The following HSPD1 variants were observed in gnomAD, a reference collection of about 807,000 sequenced individuals.
The protein encoded by HSPD1 is heat shock protein family D (Hsp60) member 1.
HSPD1 carries 3 observed loss-of-function variants against 53.0 expected under a neutral mutation model. That is an observed-to-expected ratio of 0.06 (90% confidence interval 0.03 to 0.15). The LOEUF is 0.15. Among genes scored for constraint, HSPD1 ranks in the 10% least tolerant of loss-of-function variants. HSPD1 has a pLI of 1.00. For missense variants in HSPD1, 431 were observed against 694.1 expected, an observed-to-expected ratio of 0.62 and a Z score of 4.26; for synonymous variants, 200 against 228.0, an observed-to-expected ratio of 0.88 and a Z score of 1.10.
At position 197,488,323 on chromosome 2, in the gene HSPD1, T is replaced by C; in HGVS notation, c.1384A>G (p.Lys462Glu). The C allele has an allele frequency of 6.2e-7, 1 of 1,613,966 alleles. No individual in the cohort carries two copies. The highest frequency in any genetic ancestry group is 8.5e-7 in the Non-Finnish European group (1 of 1,179,830). ...TTAAAAGGTAACTTTTTACCAATTT[T>C]TTGATCTTCATTAGCTGGAGTCAAT... ...DSLTPANEDQ[K>E]IGIEIIKRTL... The change falls in exon 10 of 12, where the codon AAA becomes GAA. Residue 462 changes from lysine to glutamate, a missense_variant. Transcript: ENST00000388968.
chr2:197,488,036 C>T lies in HSPD1; in HGVS notation c.1391G>A (p.Gly464Asp), dbSNP rs1325311677. Residue 464 changes from glycine (G) to aspartate (D), a missense_variant and splice_region_variant, in exon 11 of 12, where the codon GGT (glycine) becomes GAT (aspartate). This residue lies in a region of HSPD1 where 386 missense variants were observed against 657.6 expected (regional missense o/e 0.59). Coordinates refer to ENST00000388968, the MANE Select transcript of HSPD1 (RefSeq NM_002156.5). ...LTPANEDQKI[G>D]IEIIKRTLKI... ...GAGTGTTCTTTTAATAATTTCTATA[C>T]CTACAGAGAAATTTCAGCAAAATTT... 1 of 1,589,632 alleles carries T rather than the reference C, an allele frequency of 6.3e-7. No homozygotes were observed. Among genetic ancestry groups the T allele is most frequent in the Admixed American group, 1.7e-5 (1 of 58,020 alleles).
At position 197,487,963 on chromosome 2, in the gene HSPD1, A is replaced by G. The variant is rs1057524367; in HGVS notation, c.1464T>C (p.Ser488=). The G allele has an allele frequency of 1.9e-5, 30 of 1,613,280 alleles. No individual in the cohort carries two copies. Among genetic ancestry groups the G allele is most frequent in the Non-Finnish European group, 2.5e-5 (29 of 1,179,376 alleles). Residue 488 remains serine (S), a synonymous_variant, in exon 11 of 12, where the codon TCT becomes TCC. Transcript: ENST00000388968. ...TTTGCATAATTTTCTCAACTATCAA[A>G]GATCCTTCAACACCTGCATTCTTAG... ...TIAKNAGVEG[S]LIVEKIMQSS...
At position 197,498,804 on chromosome 2, in the gene HSPD1, G is replaced by A. The variant is rs1293534068; in HGVS notation, c.45C>T (p.Ser15=). ...GAGTGAGATGAGGAGCCAGTACCCTGGACACCGGTCTCATCTGGCGAAAGA... is the reference window on the plus strand; with the variant it reads ...GAGTGAGATGAGGAGCCAGTACCCTAGACACCGGTCTCATCTGGCGAAAGA... The part of the protein sequence containing the change: ...PTVFRQMRPV[S]RVLAPHLTRA... The change falls in exon 2 of 12, where the codon TCC becomes TCT. Residue 15 remains serine (S), a synonymous_variant. Transcript: ENST00000388968. 1 of 1,614,026 alleles carries A rather than the reference G, an allele frequency of 6.2e-7. No individual in the cohort carries two copies. Among genetic ancestry groups the A allele is most frequent in the African/African-American group, 1.3e-5 (1 of 74,898 alleles).
intron 9 of HSPD1, among the ~76,000 whole-genome samples, 185 bp downstream of exon 9, chr2:197,488,817 G>A (rs774463481): frequency 2.0e-4 from 30 of 152,136 alleles, no homozygotes; most frequent in Non-Finnish European, 2.9e-4. Flanking sequence ...GCAGTGCGCC[G>A]AGATCGCACC....
chr2:197,496,876 G>C (rs1464911110), intron 3 of HSPD1: 18 of 467,002 alleles, frequency 3.9e-5, no homozygotes, highest in Non-Finnish European at 7.1e-5. Flanking sequence ...TTCCAGTGCA[G>C]TCCAGCCTGG....
At chr2:197,490,761 T>C (rs10183658) in intron 7 of HSPD1, among the ~76,000 whole-genome samples, 6,094 of 152,280 alleles carry the variant, frequency 0.04, 394 homozygotes, top group African/African-American at 0.14. Context: ...CAGTAAGTTA[T>C]AGGATACAGT....
chr2:197,487,993 G>A lies in HSPD1; in HGVS notation c.1434C>T (p.Thr478=), dbSNP rs199527127. 2.2e-5 allele frequency: 36 copies of A among 1,612,094 alleles called. No individual in the cohort carries two copies. Among genetic ancestry groups the A allele is most frequent in the Non-Finnish European group, 2.9e-5 (34 of 1,178,622 alleles). Residue 478 remains threonine (T), a synonymous_variant, in exon 11 of 12, where the codon ACC becomes ACT. Transcript: ENST00000388968. ...CTTCAACACCTGCATTCTTAGCAATGGTCATTGCTGGAATTTTGAGTGTTC... is the reference window on the plus strand; with the variant it reads ...CTTCAACACCTGCATTCTTAGCAATAGTCATTGCTGGAATTTTGAGTGTTC... ...IKRTLKIPAM[T]IAKNAGVEGS...
chr2:197,493,155 C>G (rs1344585022), intron 7 of HSPD1, among the ~76,000 whole-genome samples, 169 bp downstream of exon 7: 2 of 152,096 alleles, frequency 1.3e-5, no homozygotes, highest in Non-Finnish European at 2.9e-5. Flanking sequence ...TTCAAAAACA[C>G]AACCATAAGG....
At chr2:197,493,680 C>T (rs1271261874) in intron 6 of HSPD1, among the ~76,000 whole-genome samples, 188 bp from the exon 7 acceptor site, 2 of 152,170 alleles carry the variant, frequency 1.3e-5, no homozygotes, top group African/African-American at 4.8e-5. Context: ...CCAACTAATA[C>T]CTATAGTTTG....
chr2:197,497,408 G>GT lies in HSPD1; in HGVS notation c.175-17dup, dbSNP rs1559303847. 6 of 1,612,726 alleles carry GT rather than the reference G, an allele frequency of 3.7e-6. No individual in the cohort carries two copies. Among genetic ancestry groups the GT allele is most frequent in the African/African-American group, 1.3e-5 (1 of 75,020 alleles). ...CTGTTCTTCCCTAGAAGAAAAAAAT[G>GT]TAACAGGATCAGACATACCCTAAGG... On this transcript the variant is annotated splice_polypyrimidine_tract_variant and intron_variant, in intron 2 of 11. Coordinates refer to ENST00000388968, the MANE Select transcript of HSPD1 (RefSeq NM_002156.5).
At position 197,486,662 on chromosome 2, in the gene HSPD1, A is replaced by T. The variant is rs544314251; in HGVS notation, c.*384T>A. 3.9e-5 allele frequency: 11 copies of T among 280,340 alleles called. No individual in the cohort carries two copies. In the East Asian group the frequency reaches 8.4e-4, roughly 21 times the overall value. The allele number at this position is 280,340 out of a possible 1,614,324, so 17.4% of individuals were successfully genotyped here. A position where few individuals can be genotyped will look rare whatever the true frequency, so the allele number is the denominator to read the frequency against. On this transcript the variant is annotated 3_prime_UTR_variant, in exon 12 of 12. Transcript: ENST00000388968. ...CTCTACTTTGTACACAATTATTCTC[A>T]CTCTCCACAGAAAGGCTGCTTAACT... is the stretch of plus-strand genomic sequence containing the variant.
intron 7 of HSPD1, 81 bp downstream of exon 7, chr2:197,493,241 CAT>C (rs1284493311): frequency 7.8e-6 from 9 of 1,154,624 alleles, no homozygotes; most frequent in Admixed American, 5.1e-5. Flanking sequence ...TGGAGGTACA[CAT>C]GATGGAAACT....
At position 197,495,326 on chromosome 2, in the gene HSPD1, T is replaced by C. The variant is rs2086144311; in HGVS notation, c.478A>G (p.Lys160Glu). The C allele has an allele frequency of 2.5e-6, 4 of 1,611,374 alleles. No homozygotes were observed. The highest frequency in any genetic ancestry group is 8.5e-7 in the Non-Finnish European group (1 of 1,177,552). ...AVIAELKKQS[K>E]PVTTPEEIAQ... Reference sequence around the variant, plus strand: ...ATTTCTTCAGGGGTGGTCACAGGTTTAGACTGCTTTTTAAGTTCAGCAATT... The same window carrying C: ...ATTTCTTCAGGGGTGGTCACAGGTTCAGACTGCTTTTTAAGTTCAGCAATT... Residue 160 changes from lysine to glutamate, a missense_variant, in exon 4 of 12, where the codon AAA becomes GAA. Around this residue, in one of 2 missense-constraint regions of HSPD1, gnomAD observed 386 missense variants for 657.6 expected, o/e 0.59. Coordinates refer to ENST00000388968, the MANE Select transcript of HSPD1 (RefSeq NM_002156.5).
chr2:197,493,524 C>CA (rs1365204786), intron 6 of HSPD1, 32 bp from the exon 7 acceptor site: 8 of 1,464,922 alleles, frequency 5.5e-6, no homozygotes, highest in African/African-American at 2.8e-5. Flanking sequence ...CAAAAATATA[C>CA]AAAAAATGAC....
intron 7 of HSPD1, among the ~76,000 whole-genome samples, chr2:197,491,469 C>T (rs1043002351): frequency 1.3e-5 from 2 of 152,084 alleles, no homozygotes; most frequent in African/African-American, 4.8e-5. Flanking sequence ...CAAGTCTTTT[C>T]TTAATCCCTC....
At chr2:197,499,981 A>G, upstream of HSPD1, 1 of 159,514 alleles carries the variant, frequency 6.3e-6, no homozygotes, top group South Asian at 1.6e-4. Context: ...CCTGCGCGCG[A>G]GCCCCGCCCC....
intron 11 of HSPD1, 73 bp from the exon 12 acceptor site, chr2:197,487,271 G>C: frequency 7.4e-7 from 1 of 1,356,446 alleles, no homozygotes; most frequent in Non-Finnish European, 1.0e-6. Context: ...TTTCTGTCTG[G>C]GCATGGTGGC....
At chr2:197,487,758 T>TA in intron 11 of HSPD1, 100 bp downstream of exon 11, 1 of 934,506 alleles carries the variant, frequency 1.1e-6, no homozygotes, top group Non-Finnish European at 1.7e-6. Flanking sequence ...CTACTGCTAT[T>TA]AGACTATTTT....
chr2:197,494,818 C>T, intron 4 of HSPD1, 66 bp from the exon 5 acceptor site: 1 of 1,046,858 alleles, frequency 9.6e-7, no homozygotes, highest in South Asian at 1.3e-5. Flanking sequence ...AGTTCCCTTA[C>T]CTTTTCCTAG....
Sources: gnomAD v4.1 joint callset for allele counts (sites outside exome capture counted in the v4.1 genomes callset) on GRCh38, gnomAD v4.1.1 for gene constraint, gnomAD v4.1.1 regional missense constraint, MANE v1.5 for transcripts, NCBI Gene and HGNC (gene_info 2026-07-23, HGNC 2026-07-21) for gene names.